The following PHC1 variants were observed in gnomAD, a reference collection of about 807,000 sequenced individuals.
PHC1 encodes the protein polyhomeotic homolog 1.
In PHC1, 12 loss-of-function variants were observed where a neutral mutation model predicts 104.3. That is an observed-to-expected ratio of 0.12 (90% confidence interval 0.07 to 0.19). The LOEUF (loss-of-function observed/expected upper bound fraction) is 0.19, where lower values mean the gene tolerates loss of function less well. Among genes scored for constraint, PHC1 ranks in the 10% least tolerant of loss-of-function variants. The pLI is 1.00. For missense variants in PHC1, 671 were observed against 1,200.0 expected (o/e 0.56, Z 6.51); for synonymous variants, 302 against 455.8 (o/e 0.66, Z 4.30).
chr12:8,926,476 C>T (rs112479869), intron 6 of PHC1, among the ~76,000 whole-genome samples: 2,600 of 151,882 alleles, frequency 0.017, 77 homozygotes, highest in African/African-American at 0.06. Context: ...AAAAATTAGC[C>T]GGGTGTGGTG....
At chr12:8,922,224 A>G (rs150312397) in intron 5 of PHC1, among the ~76,000 whole-genome samples, 388 of 152,340 alleles carry the variant, frequency 2.5e-3, no homozygotes, top group Non-Finnish European at 3.8e-3. Flanking sequence ...CAGGTAGCCT[A>G]TAGATTAAAT....
chr12:8,930,988 T>C (rs1263923973), intron 7 of PHC1, 61 bp downstream of exon 7: 1 of 1,527,346 alleles, frequency 6.5e-7, no homozygotes, highest in African/African-American at 1.4e-5. Context: ...TTCCTTTTTT[T>C]CTTTTTTTGC....
intron 6 of PHC1, among the ~76,000 whole-genome samples, chr12:8,926,284 C>G (rs1355439629): frequency 6.6e-6 from 1 of 152,088 alleles, no homozygotes; most frequent in Non-Finnish European, 1.5e-5. Flanking sequence ...ATTGAAGTCC[C>G]CCATCTACTA....
intron 12 of PHC1, 50 bp from the exon 13 acceptor site, chr12:8,937,126 G>A (rs1945859861): frequency 6.4e-7 from 1 of 1,567,264 alleles, no homozygotes. Flanking sequence ...TTTAGAGCAG[G>A]GTGGTCTTCT....
chr12:8,919,205 G>A lies in PHC1; in HGVS notation c.115-551G>A, dbSNP rs759370776. ...CTCCCTAGTAGTTGGGATTACAGGC[G>A]CCCACCACCACGCCCAGCTAATTTT... On this transcript the variant is annotated intron_variant, in intron 2 of 14. Transcript: ENST00000544916. This position sits in a 1 kb window ranked among gnomAD's most constrained non-coding sequence, Gnocchi z 4.9. Among the ~76,000 whole-genome samples the A allele has an allele frequency of 6.7e-4, 102 of 152,154 alleles. 1 individual carries two copies. The highest frequency in any genetic ancestry group is 3.7e-3 in the East Asian group (19 of 5,158).
At chr12:8,928,960 C>T (rs1052898818) in intron 6 of PHC1, among the ~76,000 whole-genome samples, 7 of 152,012 alleles carry the variant, frequency 4.6e-5, no homozygotes, top group South Asian at 2.1e-4. Flanking sequence ...TGAGTTGATT[C>T]CAGGTCGTGG....
Position 8,937,157 on chromosome 12 carries a change from T to C in PHC1, c.2478-19T>C. 1 of 1,605,252 alleles carries C rather than the reference T, an allele frequency of 6.2e-7. No homozygotes were observed. Among genetic ancestry groups the C allele is most frequent in the Non-Finnish European group, 8.5e-7 (1 of 1,175,284 alleles). ...CTTCTGTGGCACTATTGACATCCTA[T>C]ATATGCCCTGTCCTGTAGGTACAAT... is the stretch of plus-strand genomic sequence containing the variant. On this transcript the variant is annotated intron_variant, in intron 12 of 14. Transcript: ENST00000544916.
chr12:8,924,078 G>T (rs1300184757), intron 6 of PHC1, among the ~76,000 whole-genome samples: 1 of 152,156 alleles, frequency 6.6e-6, no homozygotes, highest in Non-Finnish European at 1.5e-5. Context: ...ATGTCCATGA[G>T]CCTGGAACTA....
intron 6 of PHC1, 74 bp downstream of exon 6, chr12:8,922,862 C>A: frequency 7.7e-7 from 1 of 1,303,974 alleles, no homozygotes. Flanking sequence ...CTGGGTCCAC[C>A]CTTCTGCCCC....
intron 11 of PHC1, among the ~76,000 whole-genome samples, chr12:8,936,297 G>C (rs1045594292): frequency 6.6e-6 from 1 of 152,156 alleles, no homozygotes; most frequent in Non-Finnish European, 1.5e-5. Flanking sequence ...TGGGAGGATC[G>C]CTTGAGCCCG....
chr12:8,935,379 A>T (rs1243150382), intron 11 of PHC1, 141 bp downstream of exon 11: 1 of 550,326 alleles, frequency 1.8e-6, no homozygotes, highest in Non-Finnish European at 3.2e-6. Flanking sequence ...TAATCCCAGC[A>T]CTTTGGGAGG....
At chr12:8,931,011 G>A (rs1945668575) in intron 7 of PHC1, 84 bp downstream of exon 7, 1 of 1,435,278 alleles carries the variant, frequency 7.0e-7, no homozygotes, top group South Asian at 1.4e-5. Flanking sequence ...TTTTTTCTTT[G>A]CCTTTTTGTT....
At position 8,922,587 on chromosome 12, in the gene PHC1, C is replaced by A. The variant is rs185266053; in HGVS notation, c.457-46C>A. 4.0e-5 allele frequency: 60 copies of A among 1,512,902 alleles called. No homozygotes were observed. In the African/African-American group the frequency reaches 8.0e-4, roughly 20 times the overall value. The allele number at this position is 1,512,902 out of a possible 1,614,324, so 93.7% of individuals were successfully genotyped here. ...TTCCTTTCCATCTCTTCTGTCTCTT[C>A]TTTCCCTCTTGTCCTCTTTGCTCTT... On this transcript the variant is annotated intron_variant, in intron 5 of 14. Transcript: ENST00000544916.
intron 8 of PHC1, 72 bp from the exon 9 acceptor site, chr12:8,933,793 T>G (rs934999686): frequency 2.3e-6 from 3 of 1,294,972 alleles, no homozygotes; most frequent in Non-Finnish European, 3.3e-6. Flanking sequence ...TTTGAACATA[T>G]GGTAATAATT....
rs759540807 is a variant in PHC1 at position 8,937,958 on chromosome 12, C to T, written c.2758C>T (p.Pro920Ser). Residue 920 changes from proline (P) to serine (S), a missense_variant, in exon 14 of 15, where the codon CCA becomes TCA. Pro to Ser is a moderately conservative substitution (Grantham distance 74, BLOSUM62 -1). Coordinates refer to ENST00000544916, the MANE Select transcript of PHC1 (RefSeq NM_004426.3). ...ERDLGNPNTA[P>S]PTPELHGINP... ...TGACCTGGGGAATCCCAATACAGCT[C>T]CACCTACACCGGAATTACATGGCAT... The T allele has an allele frequency of 1.2e-5, 19 of 1,602,660 alleles. No homozygotes were observed. The highest frequency in any genetic ancestry group is 1.6e-5 in the Non-Finnish European group (19 of 1,169,908).
intron 13 of PHC1, 65 bp from the exon 14 acceptor site, chr12:8,937,763 TG>T: frequency 7.7e-7 from 1 of 1,297,644 alleles, no homozygotes; most frequent in East Asian, 2.3e-5. Context: ...CAGGGTGGTT[TG>T]GGAAGAAAGA....
At chr12:8,923,691 G>A (rs978753378) in intron 6 of PHC1, among the ~76,000 whole-genome samples, 1 of 151,924 alleles carries the variant, frequency 6.6e-6, no homozygotes, top group Non-Finnish European at 1.5e-5. Flanking sequence ...TTAGCCAGGC[G>A]TGGTGGTGGG....
In PHC1 at chr12:8,920,998, C is replaced by G; in HGVS notation, c.239C>G (p.Ala80Gly). Residue 80 changes from alanine to glycine, a missense_variant, in exon 4 of 15, where the codon GCC (alanine) becomes GGC (glycine). By Grantham distance (60) the Ala-to-Gly change is moderately conservative (BLOSUM62 0). This residue lies in a region of PHC1 where 237 missense variants were observed against 331.1 expected (regional missense o/e 0.72). Coordinates refer to ENST00000544916, the MANE Select transcript of PHC1 (RefSeq NM_004426.3). ...CCCCTTTAATAGGCCACAATTGCTG[C>G]CAGTCGGCAGGCCAGCTCCCCAAAC... ...LAAVQQATIA[A>G]SRQASSPNTS... 1 of 1,612,156 alleles carries G rather than the reference C, an allele frequency of 6.2e-7. No homozygotes were observed. The highest frequency in any genetic ancestry group is 8.5e-7 in the Non-Finnish European group (1 of 1,179,270).
intron 1 of PHC1, 126 bp from the exon 2 acceptor site, chr12:8,917,504 T>G (rs1004561152): frequency 1.6e-5 from 7 of 450,356 alleles, no homozygotes; most frequent in African/African-American, 1.0e-4. Flanking sequence ...AGATGAGAAA[T>G]CATGGCTTAT....
Sources: gnomAD v4.1 joint callset for allele counts (sites outside exome capture counted in the v4.1 genomes callset) on GRCh38, gnomAD v4.1.1 for gene constraint, gnomAD v4.1.1 regional missense constraint, Gnocchi (gnomAD v3.1) non-coding constraint, MANE v1.5 for transcripts, NCBI Gene and HGNC (gene_info 2026-07-23, HGNC 2026-07-21) for gene names.